Variants in HIVEP1 observed in about 807,000 individuals in gnomAD.
The protein encoded by HIVEP1 is HIVEP zinc finger 1.
HIVEP1 carries 36 observed loss-of-function variants against 180.0 expected under a neutral mutation model. The observed-to-expected ratio is 0.20, with a 90% CI of 0.15 to 0.26. The LOEUF is 0.26. HIVEP1 is among the 10% of genes least tolerant of loss of function. The probability of loss-of-function intolerance (pLI) is 1.00; values close to 1 mark genes in which losing one functional copy is unlikely to be tolerated. For missense variants in HIVEP1, 3,143 were observed against 3,268.7 expected (o/e 0.96, Z 0.94); for synonymous variants, 1,239 against 1,239.0 (o/e 1.00, Z 0.00).
intron 3 of HIVEP1, among the ~76,000 whole-genome samples, chr6:12,094,034 G>A (rs1258922112): frequency 6.6e-6 from 1 of 151,884 alleles, no homozygotes; most frequent in Non-Finnish European, 1.5e-5. Flanking sequence ...TCTGATACTT[G>A]TGTTTTCTTT....
intron 3 of HIVEP1, among the ~76,000 whole-genome samples, chr6:12,112,309 T>C (rs1392973745): frequency 6.6e-6 from 1 of 152,166 alleles, no homozygotes; most frequent in African/African-American, 2.4e-5. Flanking sequence ...TCTGGCTGCT[T>C]TCAGGATTTT....
chr6:12,191,458 G>A, the HIVEP1 span, among the ~76,000 whole-genome samples: 4 of 152,272 alleles, frequency 2.6e-5, no homozygotes, highest in South Asian at 8.3e-4. Flanking sequence ...GCCAGGTGTC[G>A]TGGTGTGTGC....
intron 3 of HIVEP1, among the ~76,000 whole-genome samples, chr6:12,115,442 C>T (rs1317415530): frequency 2.9e-5 from 4 of 136,284 alleles, no homozygotes; most frequent in Non-Finnish European, 4.6e-5. Flanking sequence ...AGAGTGCTGG[C>T]TTTCCTTTCG....
At position 12,164,157 on chromosome 6, in the gene HIVEP1, C is replaced by T. The variant is rs1038357338; in HGVS notation, c.7853C>T (p.Pro2618Leu). 1 of 1,614,100 alleles carries T rather than the reference C, an allele frequency of 6.2e-7. No homozygotes were observed. Among genetic ancestry groups the T allele is most frequent in the African/African-American group, 1.3e-5 (1 of 74,948 alleles). The change falls in exon 9 of 9, where the codon CCT becomes CTT. Residue 2618 changes from proline to leucine, a missense_variant. Coordinates refer to ENST00000379388, the MANE Select transcript of HIVEP1 (RefSeq NM_002114.4). ...RENAKKVLNP[P>L]APAGDHARLD... ...AATGCAAAAAAAGTTCTGAATCCAC[C>T]TGCCCCTGCAGGTGACCATGCAAGG... is the stretch of plus-strand genomic sequence containing the variant.
At chr6:12,016,254 G>A (rs746368432) in intron 2 of HIVEP1, among the ~76,000 whole-genome samples, 5 of 152,134 alleles carry the variant, frequency 3.3e-5, no homozygotes, top group African/African-American at 4.8e-5. Context: ...TCCATCAACC[G>A]CGAATACTTT....
chr6:12,209,864 G>A, the HIVEP1 span, among the ~76,000 whole-genome samples: 4 of 152,080 alleles, frequency 2.6e-5, no homozygotes, highest in Admixed American at 1.3e-4. Flanking sequence ...ATATATTGTG[G>A]GAGTGAAGGA....
At position 12,125,075 on chromosome 6, in the gene HIVEP1, G is replaced by A; in HGVS notation, c.5280G>A (p.Lys1760=). Residue 1760 remains lysine, a synonymous_variant, in exon 4 of 9, where the codon AAG becomes AAA. Transcript: ENST00000379388. ...PANSLDIAME[K]HQKRAKDENG... is the part of the protein sequence containing the mutation. The stretch of plus-strand genomic sequence containing the variant: ...ATAGTTTAGACATTGCCATGGAAAA[G>A]CACCAGAAGCGGGCCAAAGATGAAA... 3 of 1,613,958 alleles carry A rather than the reference G, an allele frequency of 1.9e-6. No individual in the cohort carries two copies. Among genetic ancestry groups the A allele is most frequent in the Non-Finnish European group, 2.5e-6 (3 of 1,179,984 alleles).
intron 7 of HIVEP1, among the ~76,000 whole-genome samples, chr6:12,141,380 A>G (rs577624092): frequency 4.6e-5 from 7 of 152,254 alleles, no homozygotes; most frequent in Non-Finnish European, 7.4e-5. Context: ...AGCACTAAAC[A>G]TGGAAAGGAA....
At chr6:12,168,204 ATATATACATATATACATATAT>A (rs1465165771), downstream of HIVEP1, among the ~76,000 whole-genome samples, 3 of 55,084 alleles carry the variant, frequency 5.4e-5, no homozygotes, top group Non-Finnish European at 7.8e-5. Flanking sequence ...GTATATATAC[ATATATACATATATACATATAT>A]TATATACATA....
At chr6:12,207,080 T>TA in the HIVEP1 span, among the ~76,000 whole-genome samples, 2 of 152,276 alleles carry the variant, frequency 1.3e-5, no homozygotes, top group Admixed American at 6.5e-5. Flanking sequence ...CAGAAGCATT[T>TA]AAAAAAATCT....
intron 3 of HIVEP1, among the ~76,000 whole-genome samples, chr6:12,096,575 T>C (rs980663875): frequency 6.6e-6 from 1 of 151,788 alleles, no homozygotes; most frequent in African/African-American, 2.4e-5. Context: ...TATAATAATA[T>C]TTTTGAAGAT....
intron 2 of HIVEP1, among the ~76,000 whole-genome samples, chr6:12,083,226 T>G (rs763591069): frequency 6.6e-6 from 1 of 152,120 alleles, no homozygotes; most frequent in Non-Finnish European, 1.5e-5. Context: ...CTTTTTAATA[T>G]AATATATGTT....
At chr6:12,015,107 C>G (rs1268842124) in intron 1 of HIVEP1, among the ~76,000 whole-genome samples, 3 of 152,214 alleles carry the variant, frequency 2.0e-5, no homozygotes, top group African/African-American at 7.2e-5. Context: ...TCTGGAATAA[C>G]TGGAGTAGCC....
intron 3 of HIVEP1, among the ~76,000 whole-genome samples, chr6:12,094,783 G>A (rs1773692133): frequency 6.6e-6 from 1 of 151,828 alleles, no homozygotes. Flanking sequence ...TTGTTTTAAG[G>A]TTATGCTAGT....
At chr6:12,114,234 G>T (rs753714131) in intron 3 of HIVEP1, among the ~76,000 whole-genome samples, 5 of 152,096 alleles carry the variant, frequency 3.3e-5, no homozygotes, top group African/African-American at 9.7e-5. Flanking sequence ...CCAGAACCCC[G>T]CTGACACTGC....
chr6:12,189,119 C>G, the HIVEP1 span, among the ~76,000 whole-genome samples: 2 of 151,824 alleles, frequency 1.3e-5, no homozygotes, highest in African/African-American at 4.8e-5. Flanking sequence ...AGTGTTTTAA[C>G]AGCCAATCAA....
intron 2 of HIVEP1, among the ~76,000 whole-genome samples, chr6:12,065,669 TTGTGTG>T (rs68050049): frequency 7.7e-5 from 11 of 143,214 alleles, no homozygotes; most frequent in East Asian, 2.0e-4. Context: ...CAGGTAGGTT[TTGTGTG>T]TGTGTGTGTG....
chr6:12,108,025 T>A (rs1321999899), intron 3 of HIVEP1, among the ~76,000 whole-genome samples: 1 of 152,158 alleles, frequency 6.6e-6, no homozygotes, highest in African/African-American at 2.4e-5. Context: ...TCACAAACCC[T>A]GAGCTAGACA....
chr6:12,053,030 T>C (rs1360765667), intron 2 of HIVEP1, among the ~76,000 whole-genome samples: 1 of 152,202 alleles, frequency 6.6e-6, no homozygotes, highest in Non-Finnish European at 1.5e-5. Flanking sequence ...GTGTAGTTCC[T>C]GTAATTGGAG....
Sources: allele counts gnomAD v4.1 joint callset (sites outside exome capture counted in the v4.1 genomes callset), GRCh38; gene constraint gnomAD v4.1.1; transcripts MANE v1.5; gene names NCBI Gene and HGNC (gene_info 2026-07-23, HGNC 2026-07-21).